Variants in CFAP54 observed in about 807,000 individuals in gnomAD.
The protein encoded by CFAP54 is cilia and flagella associated protein 54.
A neutral mutation model predicts 370.4 loss-of-function variants in CFAP54; 290 were observed. The observed-to-expected ratio is 0.78, with a 90% confidence interval of 0.71 to 0.86. The LOEUF is 0.86. Ranked by LOEUF, CFAP54 falls within the 40% of genes least tolerant of loss-of-function variation. CFAP54 has a pLI of 0.00. For missense variants in CFAP54, 3,399 were observed against 3,528.7 expected, an observed-to-expected ratio of 0.96 and a Z score of 0.93; for synonymous variants, 1,206 against 1,236.5, an observed-to-expected ratio of 0.98 and a Z score of 0.52.
At chr12:96,626,383 C>G (rs1199728673) in intron 29 of CFAP54, among the ~76,000 whole-genome samples, 1 of 145,786 alleles carries the variant, frequency 6.9e-6, no homozygotes, top group South Asian at 2.2e-4. Flanking sequence ...GAGACTCTGT[C>G]TCAAAAAACA....
chr12:96,636,601 CTTGA>C (rs1434720929), intron 32 of CFAP54, among the ~76,000 whole-genome samples: 2 of 152,204 alleles, frequency 1.3e-5, no homozygotes, highest in East Asian at 3.9e-4. Flanking sequence ...TTTCTATTGT[CTTGA>C]TTTTCTTTTT....
At chr12:96,864,620 C>T (rs952755121) in intron 67 of CFAP54, among the ~76,000 whole-genome samples, 11 of 152,142 alleles carry the variant, frequency 7.2e-5, no homozygotes, top group African/African-American at 2.7e-4. Flanking sequence ...CATGCAAATC[C>T]CTCCATCCAG....
chr12:96,826,286 TC>T (rs1433006624), intron 65 of CFAP54, among the ~76,000 whole-genome samples: 1 of 81,050 alleles, frequency 1.2e-5, no homozygotes, highest in African/African-American at 4.8e-5. Flanking sequence ...ACAAATATAT[TC>T]AAGACATATA....
chr12:96,795,314 T>A (rs1279747039), intron 63 of CFAP54, among the ~76,000 whole-genome samples: 2 of 152,136 alleles, frequency 1.3e-5, no homozygotes, highest in Non-Finnish European at 2.9e-5. Context: ...TATTTGGGTT[T>A]CTCAGGTGGT....
intron 55 of CFAP54, among the ~76,000 whole-genome samples, chr12:96,747,760 A>T (rs894792087): frequency 1.2e-4 from 18 of 152,320 alleles, no homozygotes; most frequent in African/African-American, 4.3e-4. Flanking sequence ...TTATCTGCAA[A>T]ATGGAGGTAG....
chr12:96,840,433 T>C (rs1479785880), intron 66 of CFAP54, among the ~76,000 whole-genome samples: 1 of 152,186 alleles, frequency 6.6e-6, no homozygotes, highest in Non-Finnish European at 1.5e-5. Context: ...ATTACATTAC[T>C]GTATGATCCT....
chr12:96,593,386 T>A (rs1008601334), intron 24 of CFAP54, among the ~76,000 whole-genome samples: 1 of 152,140 alleles, frequency 6.6e-6, no homozygotes, highest in African/African-American at 2.4e-5. Context: ...AACTAATTAA[T>A]TAATTAACCA....
At chr12:96,779,001 G>C (rs1049720956) in intron 60 of CFAP54, among the ~76,000 whole-genome samples, 8 of 151,820 alleles carry the variant, frequency 5.3e-5, no homozygotes, top group African/African-American at 1.5e-4. Flanking sequence ...CCAGTTACTG[G>C]GAGGCTGAGG....
chr12:96,647,616 C>G (rs532110254), intron 33 of CFAP54, among the ~76,000 whole-genome samples: 1 of 151,660 alleles, frequency 6.6e-6, no homozygotes, highest in South Asian at 2.1e-4. Flanking sequence ...AGAGCCGGCA[C>G]AGATATTTTT....
intron 2 of CFAP54, 148 bp downstream of exon 2, chr12:96,501,087 C>A: frequency 2.0e-6 from 1 of 504,070 alleles, no homozygotes; most frequent in Non-Finnish European, 3.5e-6. Flanking sequence ...TAATAAGGCA[C>A]AGTAACCAAA....
At chr12:96,779,783 C>A (rs1418045295) in intron 60 of CFAP54, among the ~76,000 whole-genome samples, 1 of 151,394 alleles carries the variant, frequency 6.6e-6, no homozygotes, top group African/African-American at 2.4e-5. Flanking sequence ...TGAGAATGCA[C>A]CCCAGCACAA....
intron 60 of CFAP54, among the ~76,000 whole-genome samples, chr12:96,773,381 C>T (rs1445048875): frequency 6.6e-6 from 1 of 152,256 alleles, no homozygotes; most frequent in South Asian, 2.1e-4. Context: ...CACCGCTTAA[C>T]CCAGTTCCAC....
At chr12:96,836,077 C>G (rs1034859465) in intron 66 of CFAP54, among the ~76,000 whole-genome samples, 1 of 152,152 alleles carries the variant, frequency 6.6e-6, no homozygotes, top group Admixed American at 6.5e-5. Flanking sequence ...AGAGGAAAAA[C>G]ACCTCTTTTT....
At chr12:96,771,975 G>T (rs1299130393) in intron 60 of CFAP54, among the ~76,000 whole-genome samples, 1 of 152,154 alleles carries the variant, frequency 6.6e-6, no homozygotes, top group African/African-American at 2.4e-5. Context: ...GTCAGAAAAA[G>T]AAAGTTTTCT....
chr12:96,860,696 TGA>T, intron 66 of CFAP54, 121 bp from the exon 67 acceptor site: 1 of 986,464 alleles, frequency 1.0e-6, no homozygotes, highest in Non-Finnish European at 1.4e-6. Context: ...GTGCCTTACC[TGA>T]GACACACAAG....
chr12:96,729,553 C>A (rs186151104), intron 50 of CFAP54, among the ~76,000 whole-genome samples: 1 of 152,200 alleles, frequency 6.6e-6, no homozygotes, highest in South Asian at 2.1e-4. Flanking sequence ...GCTCAGTATT[C>A]GGGTGGGAGT....
rs376368099 is a variant in CFAP54 at position 96,616,239 on chromosome 12, A to C, written c.3640-5351A>C. On this transcript the variant is annotated intron_variant, in intron 26 of 67. Coordinates refer to ENST00000524981, the MANE Select transcript of CFAP54 (RefSeq NM_001306084.2). ...GACATCGATGAAGCTGGAAACCATC[A>C]TTCTCAGCAAACTATCCCAAAGACA... Among the ~76,000 whole-genome samples the C allele has an allele frequency of 9.8e-5, 15 of 152,352 alleles. No individual in the cohort carries two copies. The East Asian group carries it at 2.3e-3, about 23-fold the overall frequency.
At chr12:96,713,441 C>G (rs1003524451) in intron 48 of CFAP54, among the ~76,000 whole-genome samples, 2 of 151,898 alleles carry the variant, frequency 1.3e-5, no homozygotes, top group African/African-American at 4.9e-5. Context: ...ATTCTTGATT[C>G]TCTATTTTGG....
rs1955085971 is a variant in CFAP54, at chr12:96,505,245, GT to G, written c.567+1217del. 2.0e-5 allele frequency among the ~76,000 whole-genome samples: 3 copies of G among 151,780 alleles called. No homozygotes were observed. The South Asian group carries it at 6.2e-4, about 32-fold the overall frequency. The stretch of plus-strand genomic sequence containing the variant: ...TGCCCGGCTAATTTTTGTATTTTTA[GT>G]AGAGATGGGGTTTCACCATGTCGGT... On this transcript the variant is annotated intron_variant, in intron 3 of 67. Transcript: ENST00000524981.
Sources: gnomAD v4.1 joint callset for allele counts (sites outside exome capture counted in the v4.1 genomes callset) on GRCh38, gnomAD v4.1.1 for gene constraint, MANE v1.5 for transcripts, NCBI Gene and HGNC (gene_info 2026-07-23, HGNC 2026-07-21) for gene names.